The following CTCF variants were observed in gnomAD, a reference collection of about 807,000 sequenced individuals.
The protein encoded by CTCF is CCCTC-binding factor.
Under a neutral mutation model 72.3 loss-of-function variants are expected in CTCF, and 7 were observed. That is an observed-to-expected ratio of 0.10 (90% confidence interval 0.06 to 0.18). The LOEUF (loss-of-function observed/expected upper bound fraction) is 0.18, where lower values mean the gene tolerates loss of function less well. Ranked by LOEUF, CTCF falls within the 10% of genes least tolerant of loss-of-function variation. The pLI, the probability that CTCF is intolerant of heterozygous loss-of-function variation, is 1.00. For missense variants in CTCF, 516 were observed against 949.1 expected (o/e 0.54, Z 6.00); for synonymous variants, 374 against 315.8 (o/e 1.18, Z -1.95).
Position 67,607,802 on chromosome 16 carries a change from G to A in CTCF, c.-9-3022G>A, listed in dbSNP as rs1235613427. 4.0e-5 allele frequency among the ~76,000 whole-genome samples: 6 copies of A among 151,002 alleles called. No homozygotes were observed. The East Asian group carries it at 8.0e-4, about 20-fold the overall frequency. The stretch of plus-strand genomic sequence containing the variant: ...TGGGAGGCCGAGGCGGACAGATCAC[G>A]AGGTCAGAAGTTCAAGACCAGCCTG... On this transcript the variant is annotated intron_variant, in intron 2 of 11. Transcript: ENST00000264010.
rs1597715181 is a variant in CTCF, at chr16:67,612,942, A to G, written c.952+821A>G. Among the ~76,000 whole-genome samples the G allele has an allele frequency of 2.0e-5, 3 of 152,348 alleles. No individual in the cohort carries two copies. The Middle Eastern group carries it at 0.01, about 518-fold the overall frequency. On this transcript the variant is annotated intron_variant, in intron 4 of 11. Transcript: ENST00000264010. The stretch of plus-strand genomic sequence containing the variant: ...GACAGAGTGAGACTCCATCTCAAAA[A>G]CAAACCTTAACATTTTTTGTTTCTG...
chr16:67,576,554 T>TTG (rs1198420388), intron 2 of CTCF, among the ~76,000 whole-genome samples: 1 of 146,618 alleles, frequency 6.8e-6, no homozygotes, highest in African/African-American at 2.5e-5. Flanking sequence ...TAGAATGTTT[T>TTG]TTTTTTTTTT....
rs1247514121 is a variant in CTCF at position 67,637,838 on chromosome 16, C to T, written c.2150C>T (p.Thr717Met). Reference protein sequence around the residue: ...AATDAPNGDLTPEMILSMMDR With the variant: ...AATDAPNGDLMPEMILSMMDR ...ACAGATGCCCCCAACGGAGACCTCA[C>T]GCCCGAGATGATCCTCAGCATGATG... The change falls in exon 12 of 12, where the codon ACG becomes ATG. Residue 717 changes from threonine to methionine, a missense_variant. This residue lies in a region of CTCF where 5 missense variants were observed against 24.5 expected (regional missense o/e 0.20). Transcript: ENST00000264010. 6.2e-7 allele frequency: 1 copy of T among 1,612,362 alleles called. No homozygotes were observed. Among genetic ancestry groups the T allele is most frequent in the Non-Finnish European group, 8.5e-7 (1 of 1,179,954 alleles).
chr16:67,583,829 G>A (rs2051623851), intron 2 of CTCF, among the ~76,000 whole-genome samples: 1 of 152,144 alleles, frequency 6.6e-6, no homozygotes, highest in Admixed American at 6.6e-5. Flanking sequence ...AGGGCATTCT[G>A]GTAAGTTGTA....
intron 4 of CTCF, among the ~76,000 whole-genome samples, chr16:67,614,146 A>C (rs2052098583): frequency 6.6e-6 from 1 of 152,012 alleles, no homozygotes; most frequent in African/African-American, 2.4e-5. Flanking sequence ...CAGGAGTTCA[A>C]GACCAGCCTG....
intron 2 of CTCF, among the ~76,000 whole-genome samples, chr16:67,589,275 T>C (rs1384981995): frequency 6.6e-6 from 1 of 152,114 alleles, no homozygotes; most frequent in Non-Finnish European, 1.5e-5. Context: ...CACTCCAGTC[T>C]GGGAGACAGA....
chr16:67,620,909 TATGA>T, intron 6 of CTCF, 92 bp downstream of exon 6: 5 of 1,072,530 alleles, frequency 4.7e-6, no homozygotes, highest in Non-Finnish European at 6.4e-6. Flanking sequence ...CCATTGTTTA[TATGA>T]ATGAAGACTG....
At chr16:67,622,481 C>T (rs939052665) in intron 7 of CTCF, among the ~76,000 whole-genome samples, 3 of 152,026 alleles carry the variant, frequency 2.0e-5, no homozygotes, top group South Asian at 2.1e-4. Flanking sequence ...CTTGTAGTAC[C>T]GTAAATACAT....
chr16:67,604,140 AAAAAAG>A (rs1384926209), intron 2 of CTCF, among the ~76,000 whole-genome samples: 3 of 151,426 alleles, frequency 2.0e-5, no homozygotes, highest in African/African-American at 7.3e-5. Flanking sequence ...AAAAAAAAAA[AAAAAAG>A]AAAAGAAAAG....
At chr16:67,576,427 A>AT (rs950986451) in intron 2 of CTCF, among the ~76,000 whole-genome samples, 1 of 151,440 alleles carries the variant, frequency 6.6e-6, no homozygotes, top group African/African-American at 2.4e-5. Flanking sequence ...AGTTTGTGTA[A>AT]TTTTTTTTAA....
intron 2 of CTCF, among the ~76,000 whole-genome samples, chr16:67,608,171 A>G (rs2052003016): frequency 6.6e-6 from 1 of 151,708 alleles, no homozygotes; most frequent in Non-Finnish European, 1.5e-5. Flanking sequence ...AAAAATACAA[A>G]AAATTAGCCG....
At chr16:67,628,320 C>A (rs2142866312) in intron 8 of CTCF, 50 bp from the exon 9 acceptor site, 1 of 1,566,446 alleles carries the variant, frequency 6.4e-7, no homozygotes. Context: ...GCAGCTGGGG[C>A]AGTAGCCCCA....
intron 2 of CTCF, among the ~76,000 whole-genome samples, chr16:67,579,881 A>T (rs2051556717): frequency 6.6e-6 from 1 of 152,164 alleles, no homozygotes. Context: ...CTACTGAAAG[A>T]AGTTCAGTGT....
intron 6 of CTCF, 66 bp from the exon 7 acceptor site, chr16:67,621,374 TTA>T: frequency 1.7e-6 from 2 of 1,210,546 alleles, no homozygotes; most frequent in Non-Finnish European, 2.4e-6. Flanking sequence ...GCCACCTGAG[TTA>T]CCCTCCAGTT....
chr16:67,566,515 T>TAAAAAAAA (rs377253111), intron 1 of CTCF, among the ~76,000 whole-genome samples: 3 of 76,258 alleles, frequency 3.9e-5, no homozygotes, highest in Non-Finnish European at 7.4e-5. Context: ...GTCTCAAAAT[T>TAAAAAAAA]AAAAAAAAAA....
intron 9 of CTCF, among the ~76,000 whole-genome samples, chr16:67,628,998 T>G (rs1054296100): frequency 2.0e-5 from 3 of 150,360 alleles, no homozygotes; most frequent in African/African-American, 7.4e-5. Flanking sequence ...CTTGCAGTGA[T>G]CCGAGATGGC....
intron 7 of CTCF, 103 bp from the exon 8 acceptor site, chr16:67,626,452 C>CAAAA (rs373304235): frequency 1.7e-4 from 64 of 376,746 alleles, no homozygotes; most frequent in South Asian, 5.5e-4. Context: ...GACTCCGTCT[C>CAAAA]AAAAAAAAAA....
intron 4 of CTCF, chr16:67,615,682 C>T (rs542626487): frequency 2.0e-5 from 3 of 152,284 alleles, no homozygotes; most frequent in African/African-American, 7.2e-5. Flanking sequence ...ACTTCTTATC[C>T]ATACCACCAG....
intron 2 of CTCF, among the ~76,000 whole-genome samples, chr16:67,590,412 CT>C (rs959410512): frequency 1.3e-5 from 2 of 151,132 alleles, no homozygotes. Flanking sequence ...ATGCTCTTAA[CT>C]TTTTTTTTAA....
Sources: allele counts gnomAD v4.1 joint callset (sites outside exome capture counted in the v4.1 genomes callset), GRCh38; gene constraint gnomAD v4.1.1; regional missense constraint gnomAD v4.1.1; transcripts MANE v1.5; gene names NCBI Gene and HGNC (gene_info 2026-07-23, HGNC 2026-07-21).